The following UNC13C variants were observed in gnomAD, a reference collection of about 807,000 sequenced individuals.
UNC13C encodes the protein protein unc-13 homolog C.
Under a neutral mutation model 245.4 loss-of-function variants are expected in UNC13C, and 174 were observed. That is an observed-to-expected ratio of 0.71 (90% CI 0.63 to 0.80). The LOEUF (loss-of-function observed/expected upper bound fraction) is 0.80, where lower values mean the gene tolerates loss of function less well. Among genes scored for constraint, UNC13C ranks in the 30% least tolerant of loss-of-function variants. The pLI, the probability that UNC13C is intolerant of heterozygous loss-of-function variation, is 0.00. For missense variants in UNC13C, 2,829 were observed against 2,602.9 expected (o/e 1.09, Z -1.89); for synonymous variants, 992 against 895.1 (o/e 1.11, Z -1.93).
chr15:53,986,695 G>A (rs1317083248), intron 1 of UNC13C, among the ~76,000 whole-genome samples: 1 of 151,954 alleles, frequency 6.6e-6, no homozygotes, highest in African/African-American at 2.4e-5. Context: ...TCTCAGTTCA[G>A]TCACATATTG....
chr15:54,217,933 T>G (rs2035092031), intron 4 of UNC13C, among the ~76,000 whole-genome samples: 1 of 151,956 alleles, frequency 6.6e-6, no homozygotes, highest in Admixed American at 6.6e-5. Flanking sequence ...CATGGACTAC[T>G]TAATGTCACA....
intron 25 of UNC13C, among the ~76,000 whole-genome samples, chr15:54,527,966 A>G (rs1223129935): frequency 6.6e-6 from 1 of 152,220 alleles, no homozygotes; most frequent in Non-Finnish European, 1.5e-5. Context: ...TGAAGTCACA[A>G]TGCACAATTT....
intron 19 of UNC13C, among the ~76,000 whole-genome samples, chr15:54,470,596 T>G (rs1892408343): frequency 7.7e-6 from 1 of 130,352 alleles, no homozygotes; most frequent in East Asian, 2.8e-4. Context: ...ATATCTCTTT[T>G]TTCATTTATG....
At chr15:54,447,938 G>A (rs1335523223) in intron 19 of UNC13C, among the ~76,000 whole-genome samples, 1 of 152,186 alleles carries the variant, frequency 6.6e-6, no homozygotes, top group African/African-American at 2.4e-5. Context: ...TCTACACACT[G>A]CTTTATATGT....
At chr15:54,242,644 T>G (rs950913697) in intron 7 of UNC13C, among the ~76,000 whole-genome samples, 3 of 152,162 alleles carry the variant, frequency 2.0e-5, no homozygotes, top group Non-Finnish European at 4.4e-5. Context: ...GTTTTCACTC[T>G]GAAACTACTT....
intron 14 of UNC13C, among the ~76,000 whole-genome samples, chr15:54,324,953 G>A (rs1194019319): frequency 1.3e-5 from 2 of 152,000 alleles, no homozygotes; most frequent in Non-Finnish European, 2.9e-5. Context: ...AAAACATTGT[G>A]AGACTTATGC....
chr15:54,198,627 G>A (rs192963290), intron 4 of UNC13C, among the ~76,000 whole-genome samples: 4 of 152,166 alleles, frequency 2.6e-5, no homozygotes, highest in Non-Finnish European at 5.9e-5. Context: ...ACTATAGTTT[G>A]GCTCTCAGGA....
At chr15:54,348,258 A>G (rs1596262823) in intron 17 of UNC13C, among the ~76,000 whole-genome samples, 1 of 152,120 alleles carries the variant, frequency 6.6e-6, no homozygotes, top group African/African-American at 2.4e-5. Context: ...AGAAGGGAAT[A>G]TCCTCCTTTC....
chr15:54,413,676 A>G (rs1011063422), intron 18 of UNC13C, among the ~76,000 whole-genome samples: 3 of 152,198 alleles, frequency 2.0e-5, no homozygotes, highest in African/African-American at 7.2e-5. Flanking sequence ...AGTAAGGGAA[A>G]CTGATGCAAC....
At chr15:53,858,772 C>A in the UNC13C span, among the ~76,000 whole-genome samples, 1 of 152,068 alleles carries the variant, frequency 6.6e-6, no homozygotes, top group Non-Finnish European at 1.5e-5. Context: ...GGCCTAATGG[C>A]TAACACACTG....
intron 4 of UNC13C, among the ~76,000 whole-genome samples, chr15:54,167,799 A>G (rs984990453): frequency 4.6e-5 from 7 of 152,066 alleles, no homozygotes; most frequent in Non-Finnish European, 8.8e-5. Flanking sequence ...TAAACAATCC[A>G]ATAAATTATG....
intron 30 of UNC13C, among the ~76,000 whole-genome samples, chr15:54,620,317 G>A (rs1900715192): frequency 6.6e-6 from 1 of 152,106 alleles, no homozygotes; most frequent in African/African-American, 2.4e-5. Flanking sequence ...AGCAATTTGA[G>A]AAAGGAAAAA....
At chr15:54,289,998 G>C (rs1196451452) in intron 10 of UNC13C, among the ~76,000 whole-genome samples, 1 of 152,046 alleles carries the variant, frequency 6.6e-6, no homozygotes, top group South Asian at 2.1e-4. Context: ...CAGAATGCTC[G>C]AGAGGCTGGG....
the UNC13C span, among the ~76,000 whole-genome samples, chr15:53,916,503 G>A: frequency 6.6e-6 from 1 of 152,154 alleles, no homozygotes; most frequent in Admixed American, 6.5e-5. Flanking sequence ...AGAGAGAATG[G>A]GAAAGGCCAG....
At chr15:54,321,639 C>T (rs1252031109) in intron 13 of UNC13C, 1 of 359,542 alleles carries the variant, frequency 2.8e-6, no homozygotes, top group Non-Finnish European at 5.1e-6. Flanking sequence ...TGCAGCTGTT[C>T]AGGCTCTTTC....
chr15:54,115,912 T>A (rs80280569), intron 2 of UNC13C, among the ~76,000 whole-genome samples: 1 of 152,100 alleles, frequency 6.6e-6, no homozygotes, highest in Non-Finnish European at 1.5e-5. Flanking sequence ...AATAGACGCA[T>A]AGAAGAAGGA....
At chr15:54,320,493 A>T (rs1416305523) in intron 13 of UNC13C, among the ~76,000 whole-genome samples, 1 of 151,998 alleles carries the variant, frequency 6.6e-6, no homozygotes, top group Non-Finnish European at 1.5e-5. Context: ...GTTCACTGGA[A>T]TGCTTTACAC....
intron 13 of UNC13C, among the ~76,000 whole-genome samples, chr15:54,304,341 T>G (rs1171977537): frequency 6.6e-6 from 1 of 152,134 alleles, no homozygotes; most frequent in African/African-American, 2.4e-5. Context: ...CATTGACAAT[T>G]ACACTTCAGT....
chr15:54,615,696 G>T (rs920231761), intron 30 of UNC13C, among the ~76,000 whole-genome samples: 1 of 151,984 alleles, frequency 6.6e-6, no homozygotes, highest in African/African-American at 2.4e-5. Flanking sequence ...GGGGTTGAAA[G>T]TTGTTTTGTT....
Sources: allele counts gnomAD v4.1 joint callset (sites outside exome capture counted in the v4.1 genomes callset), GRCh38; gene constraint gnomAD v4.1.1; transcripts MANE v1.5; gene names NCBI Gene and HGNC (gene_info 2026-07-23, HGNC 2026-07-21).